ZNF777: variants seen among roughly 807,000 people sequenced by gnomAD.
ZNF777 encodes zinc finger protein 777.
Under a neutral mutation model 72.1 loss-of-function variants are expected in ZNF777, and 7 were observed. The observed-to-expected ratio is 0.10, with a 90% CI of 0.06 to 0.18. The LOEUF (loss-of-function observed/expected upper bound fraction) is 0.18, where lower values mean the gene tolerates loss of function less well. Ranked by LOEUF, ZNF777 falls within the 10% of genes least tolerant of loss-of-function variation. The probability of loss-of-function intolerance (pLI) is 1.00; values close to 1 mark genes in which losing one functional copy is unlikely to be tolerated. For missense variants in ZNF777, 828 were observed against 1,128.6 expected (o/e 0.73, Z 3.82); for synonymous variants, 545 against 483.5 (o/e 1.13, Z -1.67).
intron 2 of ZNF777, 145 bp from the exon 3 acceptor site, chr7:149,454,382 G>A (rs1052650513): frequency 5.3e-6 from 5 of 946,502 alleles, no homozygotes; most frequent in Admixed American, 2.8e-5. Context: ...GCCCCAAAGA[G>A]TGAGGGGCCT....
At chr7:149,444,565 C>A (rs887528943) in intron 4 of ZNF777, among the ~76,000 whole-genome samples, 1 of 152,188 alleles carries the variant, frequency 6.6e-6, no homozygotes, top group Non-Finnish European at 1.5e-5. Flanking sequence ...GGCAAAGCGC[C>A]TGCCCCAGTT....
rs1799341438 is a variant in ZNF777, at chr7:149,432,757, G to C, written c.1515C>G (p.Pro505=). The change falls in exon 6 of 6, where the codon CCC becomes CCG. Residue 505 remains proline, a synonymous_variant. Transcript: ENST00000247930. ...TCACTGCGGGGTTTCCTAGCTGCAG[G>C]GGCGGGGGGCTCTCCTCGCCCTCGG... ...MSPEGEESPP[P]LQLGNPAVKR... is the part of the protein sequence containing the mutation. 7 of 1,610,752 alleles carry C rather than the reference G, an allele frequency of 4.3e-6. No individual in the cohort carries two copies. Among genetic ancestry groups the C allele is most frequent in the Non-Finnish European group, 5.9e-6 (7 of 1,177,784 alleles).
chr7:149,431,472 C>T lies in ZNF777; in HGVS notation c.*304G>A, dbSNP rs1018558663. 4.5e-6 allele frequency: 2 copies of T among 446,670 alleles called. No individual in the cohort carries two copies. The highest frequency in any genetic ancestry group is 2.4e-5 in the Admixed American group (1 of 40,852). 27.7% of individuals were successfully genotyped at this position (446,670 alleles called of 1,614,324 possible). A position where few individuals can be genotyped will look rare whatever the true frequency, so the allele number is the denominator to read the frequency against. On this transcript the variant is annotated 3_prime_UTR_variant, in exon 6 of 6. Transcript: ENST00000247930. ...GCCCTACACCGCCCCTCTGAGTGGCCGGCGGCCAAATCACGCCCCCCGTGC... is the reference window on the plus strand; with the variant it reads ...GCCCTACACCGCCCCTCTGAGTGGCTGGCGGCCAAATCACGCCCCCCGTGC...
intron 4 of ZNF777, among the ~76,000 whole-genome samples, chr7:149,447,034 C>T (rs1799615588): frequency 6.6e-6 from 1 of 152,156 alleles, no homozygotes; most frequent in African/African-American, 2.4e-5. Context: ...ACCTTTCTGG[C>T]CACTCTTTCT....
In ZNF777 at chr7:149,450,874, G is replaced by C. The variant is rs141886857; in HGVS notation, c.1087+125C>G. Reference sequence around the variant, plus strand: ...CACTCCAAAGCAGGTCCTGGCACCTGCGGGCCTCCTTCCTGCTAACATATC... The same window carrying C: ...CACTCCAAAGCAGGTCCTGGCACCTCCGGGCCTCCTTCCTGCTAACATATC... On this transcript the variant is annotated intron_variant, in intron 4 of 5. Transcript: ENST00000247930. The C allele has an allele frequency of 4.7e-4, 364 of 768,132 alleles. No individual in the cohort carries two copies. In the East Asian group the frequency reaches 8.3e-3, roughly 18 times the overall value. 47.6% of individuals were successfully genotyped at this position (768,132 alleles called of 1,614,324 possible). A position where few individuals can be genotyped will look rare whatever the true frequency, so the allele number is the denominator to read the frequency against.
chr7:149,453,915 C>T (rs1585702920), intron 3 of ZNF777, among the ~76,000 whole-genome samples, 196 bp downstream of exon 3: 1 of 152,258 alleles, frequency 6.6e-6, no homozygotes, highest in African/African-American at 2.4e-5. Flanking sequence ...TCTCAATTTA[C>T]AAGCCATTCT....
Position 149,454,099 on chromosome 7 carries a change from G to C in ZNF777, c.973+12C>G, listed in dbSNP as rs1385667615. On this transcript the variant is annotated intron_variant, in intron 3 of 5. Transcript: ENST00000247930. ...TCCAGGCAGCCCCCAGCGAGCGAAG[G>C]CTTCTCCTTACCCATGGAAACCAGG... 3.1e-6 allele frequency: 5 copies of C among 1,614,150 alleles called. No individual in the cohort carries two copies. Among genetic ancestry groups the C allele is most frequent in the East Asian group, 2.2e-5 (1 of 44,886 alleles).
intron 4 of ZNF777, among the ~76,000 whole-genome samples, chr7:149,440,359 G>A (rs1316131493): frequency 6.6e-6 from 1 of 151,992 alleles, no homozygotes; most frequent in African/African-American, 2.4e-5. Context: ...GGAAGTGACT[G>A]TTTTGTTTTG....
chr7:149,442,624 A>G, intron 4 of ZNF777, among the ~76,000 whole-genome samples: 1 of 152,262 alleles, frequency 6.6e-6, no homozygotes, highest in East Asian at 1.9e-4. Flanking sequence ...TGTCTAAAAA[A>G]AAAAAAAAAG....
At chr7:149,458,351 T>C (rs1239163032) in intron 1 of ZNF777, among the ~76,000 whole-genome samples, 1 of 152,082 alleles carries the variant, frequency 6.6e-6, no homozygotes, top group East Asian at 1.9e-4. Context: ...TCAGGGAAAG[T>C]GACTGCCTAA....
At chr7:149,451,236 C>A in intron 3 of ZNF777, 124 bp from the exon 4 acceptor site, 2 of 773,370 alleles carry the variant, frequency 2.6e-6, no homozygotes, top group South Asian at 1.7e-5. Context: ...AATGGAAAAC[C>A]GCCAAGTCTC....
At chr7:149,440,382 T>C (rs749379586) in intron 4 of ZNF777, among the ~76,000 whole-genome samples, 9 of 152,150 alleles carry the variant, frequency 5.9e-5, no homozygotes, top group Non-Finnish European at 1.2e-4. Flanking sequence ...TTTTAAGAGA[T>C]GAGGCCTTGC....
At chr7:149,446,822 C>T (rs973943954) in intron 4 of ZNF777, among the ~76,000 whole-genome samples, 2 of 152,164 alleles carry the variant, frequency 1.3e-5, no homozygotes, top group Non-Finnish European at 2.9e-5. Flanking sequence ...CACTGACTAT[C>T]AGGCTGCCAC....
intron 1 of ZNF777, among the ~76,000 whole-genome samples, chr7:149,457,722 T>C (rs542021986): frequency 6.6e-6 from 1 of 152,210 alleles, no homozygotes; most frequent in African/African-American, 2.4e-5. Context: ...GAACCAGACA[T>C]GAGCGCTAAT....
intron 4 of ZNF777, among the ~76,000 whole-genome samples, chr7:149,449,697 A>G (rs1799681030): frequency 1.3e-5 from 2 of 152,050 alleles, no homozygotes; most frequent in Admixed American, 1.3e-4. Flanking sequence ...TAAGGTTCAG[A>G]CTGATTTTCC....
chr7:149,455,656 G>T lies in ZNF777; in HGVS notation c.367C>A (p.His123Asn). ...QEVSLLSHSPHHQEAPVHSPE... is the reference protein window; with the variant it reads ...QEVSLLSHSPNHQEAPVHSPE... ...GAGTGAACGGGGGCTTCCTGGTGGT[G>T]GGGGGAGTGGGAGAGAAGGGAGACT... Residue 123 changes from histidine (H) to asparagine (N), a missense_variant, in exon 2 of 6, where the codon CAC (histidine) becomes AAC (asparagine). His to Asn is a moderately conservative substitution (Grantham distance 68). This residue lies in a region of ZNF777 where 222 missense variants were observed against 211.2 expected (regional missense o/e 1.05). Coordinates refer to ENST00000247930, the MANE Select transcript of ZNF777 (RefSeq NM_015694.3). The surrounding 1 kb of genome is among the most constrained non-coding windows in gnomAD (Gnocchi z 4.2). The T allele has an allele frequency of 1.3e-6, 2 of 1,564,852 alleles. No homozygotes were observed. Among genetic ancestry groups the T allele is most frequent in the Non-Finnish European group, 1.7e-6 (2 of 1,155,548 alleles).
intron 4 of ZNF777, among the ~76,000 whole-genome samples, chr7:149,448,579 CTATATATATATATATATA>C (rs57860880): frequency 8.7e-6 from 1 of 115,104 alleles, no homozygotes; most frequent in Non-Finnish European, 1.8e-5. Flanking sequence ...ATACATATAA[CTATATATATATATATATA>C]TATATATATA....
At chr7:149,448,535 TTATA>T (rs1491332886) in intron 4 of ZNF777, among the ~76,000 whole-genome samples, 4 of 123,206 alleles carry the variant, frequency 3.2e-5, no homozygotes, top group Non-Finnish European at 4.8e-5. Context: ...ATACATATAG[TTATA>T]TATATAGTTA....
chr7:149,443,568 A>T (rs1016699184), intron 4 of ZNF777, among the ~76,000 whole-genome samples: 12 of 151,776 alleles, frequency 7.9e-5, no homozygotes, highest in South Asian at 6.2e-4. Context: ...TTTTTTAATT[A>T]AAAAAAATTT....
Sources: gnomAD v4.1 joint callset for allele counts (sites outside exome capture counted in the v4.1 genomes callset) on GRCh38, gnomAD v4.1.1 for gene constraint, gnomAD v4.1.1 regional missense constraint, Gnocchi (gnomAD v3.1) non-coding constraint, MANE v1.5 for transcripts, NCBI Gene and HGNC (gene_info 2026-07-23, HGNC 2026-07-21) for gene names.